The following STRN3 variants were observed in gnomAD, a reference collection of about 807,000 sequenced individuals.
STRN3 encodes the protein striatin-3.
Under a neutral mutation model 95.6 loss-of-function variants are expected in STRN3, and 29 were observed. That is an observed-to-expected ratio of 0.30 (90% confidence interval 0.23 to 0.41). The LOEUF (loss-of-function observed/expected upper bound fraction) is 0.41, where lower values mean the gene tolerates loss of function less well. Ranked by LOEUF, STRN3 falls within the 10% of genes least tolerant of loss-of-function variation. The probability of loss-of-function intolerance (pLI) is 1.00; values close to 1 mark genes in which losing one functional copy is unlikely to be tolerated. For synonymous variants in STRN3, 331 were observed against 357.6 expected (o/e 0.93, Z 0.84); for missense variants, 890 against 972.1 (o/e 0.92, Z 1.12).
intron 1 of STRN3, among the ~76,000 whole-genome samples, chr14:30,992,560 C>A: frequency 1.2e-5 from 1 of 86,564 alleles, no homozygotes; most frequent in Non-Finnish European, 2.1e-5. Context: ...CGGCCCCTGT[C>A]TCTTTAAAAA....
intron 8 of STRN3, among the ~76,000 whole-genome samples, chr14:30,924,958 T>C (rs953731572): frequency 6.6e-6 from 1 of 152,198 alleles, no homozygotes; most frequent in African/African-American, 2.4e-5. Flanking sequence ...CTCTGTACTA[T>C]TCTCACAAAA....
At chr14:30,919,188 C>T in intron 8 of STRN3, 82 bp from the exon 9 acceptor site, 8 of 1,345,314 alleles carry the variant, frequency 5.9e-6, no homozygotes, top group Non-Finnish European at 7.9e-6. Context: ...AATTTATTAA[C>T]AAAACAGACT....
chr14:31,018,656 G>A, intron 1 of STRN3: 1 of 468,254 alleles, frequency 2.1e-6, no homozygotes. Flanking sequence ...GGACAAAACT[G>A]GCCAGTTTCA....
intron 1 of STRN3, among the ~76,000 whole-genome samples, chr14:30,988,036 G>A (rs1014982530): frequency 3.3e-5 from 5 of 152,120 alleles, no homozygotes; most frequent in Non-Finnish European, 5.9e-5. Context: ...GCGTCCAGCT[G>A]TTTTTCTCAC....
intron 1 of STRN3, among the ~76,000 whole-genome samples, chr14:30,975,577 CGAAA>C (rs948161328): frequency 1.1e-4 from 15 of 137,834 alleles, no homozygotes; most frequent in South Asian, 7.1e-4. Flanking sequence ...AGAAAGAGAA[CGAAA>C]GAAAGAAAGA....
intron 13 of STRN3, 88 bp from the exon 14 acceptor site, chr14:30,907,132 G>A: frequency 6.9e-7 from 1 of 1,440,384 alleles, no homozygotes; most frequent in Non-Finnish European, 9.3e-7. Flanking sequence ...ATATAACTGA[G>A]CATAAAGAAC....
chr14:31,018,880 T>G, intron 1 of STRN3: 1 of 293,896 alleles, frequency 3.4e-6, no homozygotes, highest in East Asian at 1.2e-4. Context: ...CCCAGCATTT[T>G]GGGAGGCCAG....
chr14:30,944,801 G>A (rs1879281227), intron 5 of STRN3, among the ~76,000 whole-genome samples: 3 of 151,366 alleles, frequency 2.0e-5, no homozygotes, highest in Middle Eastern at 3.4e-3. Flanking sequence ...GTAGAGATGG[G>A]GTTTCACCAT....
chr14:30,924,965 A>C (rs10141421), intron 8 of STRN3, among the ~76,000 whole-genome samples: 80,526 of 152,016 alleles, frequency 0.53, 21,348 homozygotes, highest in East Asian at 0.63. Flanking sequence ...CTATTCTCAC[A>C]AAATTTTCTT....
At chr14:30,968,286 CAAA>C (rs71112363) in intron 1 of STRN3, among the ~76,000 whole-genome samples, 2 of 83,056 alleles carry the variant, frequency 2.4e-5, no homozygotes, top group Admixed American at 1.4e-4. Flanking sequence ...TTATCATCTT[CAAA>C]AAAAAAAAAA....
chr14:30,934,272 C>T (rs1878706626), intron 7 of STRN3, among the ~76,000 whole-genome samples: 1 of 152,068 alleles, frequency 6.6e-6, no homozygotes, highest in African/African-American at 2.4e-5. Context: ...TGCAGTGAGC[C>T]AAGATTGCAC....
Position 30,965,516 on chromosome 14 carries a change from T to C in STRN3, c.283-9274A>G, listed in dbSNP as rs188051078. 2.7e-5 allele frequency among the ~76,000 whole-genome samples: 4 copies of C among 150,604 alleles called. No individual in the cohort carries two copies. In the East Asian group the frequency reaches 5.9e-4, roughly 22 times the overall value. On this transcript the variant is annotated intron_variant, in intron 1 of 17. Coordinates refer to ENST00000357479, the MANE Select transcript of STRN3 (RefSeq NM_001083893.2). ...AGCCTGGGCAACACAGCAAGACCCA[T>C]CTCTAAAAAAAAACAAAAAGAGGCC...
intron 5 of STRN3, among the ~76,000 whole-genome samples, chr14:30,944,570 TAC>T (rs71112356): frequency 0.43 from 27,259 of 63,868 alleles, 3,530 homozygotes; most frequent in African/African-American, 0.49. Flanking sequence ...TATATATATA[TAC>T]ACACACAGAC....
chr14:30,956,043 A>G, intron 2 of STRN3, 96 bp downstream of exon 2: 2 of 991,164 alleles, frequency 2.0e-6, no homozygotes, highest in Non-Finnish European at 3.0e-6. Flanking sequence ...AAGGATTTGT[A>G]CCTTTCAAAA....
At chr14:31,021,311 C>A (rs1883495717) in intron 1 of STRN3, among the ~76,000 whole-genome samples, 1 of 152,124 alleles carries the variant, frequency 6.6e-6, no homozygotes, top group African/African-American at 2.4e-5. Flanking sequence ...AAGTTTAAAT[C>A]CCAGTTCTAC....
chr14:30,952,409 A>G (rs1406893905), intron 3 of STRN3, among the ~76,000 whole-genome samples: 1 of 152,044 alleles, frequency 6.6e-6, no homozygotes, highest in East Asian at 1.9e-4. Context: ...CCAATTATTA[A>G]TATCTCTGGC....
chr14:31,003,796 TAAAAA>T (rs35951887), intron 1 of STRN3, among the ~76,000 whole-genome samples: 2 of 115,478 alleles, frequency 1.7e-5, no homozygotes, highest in Non-Finnish European at 3.5e-5. Flanking sequence ...ACATCTTTCT[TAAAAA>T]AAAAAAAAAA....
chr14:30,895,382 A>G lies in STRN3; in HGVS notation c.*29T>C. On this transcript the variant is annotated 3_prime_UTR_variant, in exon 18 of 18. Transcript: ENST00000357479. ...GCAGACCCTCTTTCTGTCCAAGCAA[A>G]TCTTGTTACGATGCAAGTTTTTGTT... 3 of 1,575,182 alleles carry G rather than the reference A, an allele frequency of 1.9e-6. No homozygotes were observed. The highest frequency in any genetic ancestry group is 2.6e-6 in the Non-Finnish European group (3 of 1,159,832).
intron 1 of STRN3, among the ~76,000 whole-genome samples, chr14:31,004,446 T>C (rs1444272131): frequency 6.6e-6 from 1 of 151,870 alleles, no homozygotes; most frequent in Non-Finnish European, 1.5e-5. Context: ...AAAGTACTAG[T>C]TGTGTTTCTA....
Sources: gnomAD v4.1 joint callset for allele counts (sites outside exome capture counted in the v4.1 genomes callset) on GRCh38, gnomAD v4.1.1 for gene constraint, MANE v1.5 for transcripts, NCBI Gene and HGNC (gene_info 2026-07-23, HGNC 2026-07-21) for gene names.